The following GABRB1 variants were observed in gnomAD, a reference collection of about 807,000 sequenced individuals.
The protein encoded by GABRB1 is gamma-aminobutyric acid type A receptor subunit beta1.
GABRB1 carries 17 observed loss-of-function variants against 51.6 expected under a neutral mutation model. The ratio of observed to expected loss-of-function variants is 0.33; its 90% CI spans 0.23 to 0.49. The LOEUF is 0.49. Among genes scored for constraint, GABRB1 ranks in the 20% least tolerant of loss-of-function variants. The pLI, the probability that GABRB1 is intolerant of heterozygous loss-of-function variation, is 0.99. For synonymous variants in GABRB1, 247 were observed against 218.9 expected (o/e 1.13, Z -1.14); for missense variants, 410 against 600.6 (o/e 0.68, Z 3.32).
At chr4:47,195,397 TAGATA>T (rs780937607) in intron 4 of GABRB1, among the ~76,000 whole-genome samples, 13 of 129,906 alleles carry the variant, frequency 1.0e-4, no homozygotes, top group African/African-American at 2.7e-4. Context: ...AGATAGATGA[TAGATA>T]GATAGATAGA....
intron 3 of GABRB1, among the ~76,000 whole-genome samples, chr4:47,136,913 C>A (rs1716685588): frequency 5.9e-5 from 9 of 151,944 alleles, no homozygotes; most frequent in Admixed American, 5.9e-4. Flanking sequence ...TTATAGCAAA[C>A]AGTGTAGAAG....
intron 4 of GABRB1, among the ~76,000 whole-genome samples, chr4:47,239,260 TGA>T (rs1721436760): frequency 2.0e-5 from 3 of 152,202 alleles, no homozygotes; most frequent in African/African-American, 7.2e-5. Context: ...CCAACATCTG[TGA>T]GAGTCATTCA....
intron 3 of GABRB1, among the ~76,000 whole-genome samples, chr4:47,140,498 A>G (rs1716888763): frequency 6.6e-6 from 1 of 151,984 alleles, no homozygotes; most frequent in African/African-American, 2.4e-5. Context: ...TTTGTATCTG[A>G]AAAAAGGATA....
intron 3 of GABRB1, among the ~76,000 whole-genome samples, chr4:47,107,430 T>A (rs1345516847): frequency 6.6e-6 from 1 of 152,036 alleles, no homozygotes; most frequent in Non-Finnish European, 1.5e-5. Flanking sequence ...TGATTTTTTT[T>A]CAATATTGAT....
chr4:47,161,754 C>T (rs1471757542), intron 4 of GABRB1, among the ~76,000 whole-genome samples: 2 of 151,960 alleles, frequency 1.3e-5, no homozygotes, highest in African/African-American at 4.8e-5. Context: ...TTTGGTGTCA[C>T]CTTTAGTCAT....
chr4:47,393,674 T>C (rs1728084183), intron 5 of GABRB1, among the ~76,000 whole-genome samples: 1 of 152,250 alleles, frequency 6.6e-6, no homozygotes, highest in Non-Finnish European at 1.5e-5. Context: ...ATCCAACCTT[T>C]ATATTATTCC....
chr4:47,052,129 C>A (rs1302748749), intron 3 of GABRB1, among the ~76,000 whole-genome samples: 1 of 151,796 alleles, frequency 6.6e-6, no homozygotes, highest in Non-Finnish European at 1.5e-5. Context: ...GACCCTGTCT[C>A]AAAAAATAAA....
At chr4:47,028,295 C>T (rs999301101), upstream of GABRB1, among the ~76,000 whole-genome samples, 7 of 151,572 alleles carry the variant, frequency 4.6e-5, no homozygotes, top group South Asian at 4.2e-4. Flanking sequence ...GGTATCCATC[C>T]CCTTAAGCAC....
intron 4 of GABRB1, among the ~76,000 whole-genome samples, chr4:47,224,895 T>C (rs1317865605): frequency 6.6e-6 from 1 of 152,044 alleles, no homozygotes; most frequent in East Asian, 1.9e-4. Context: ...TTGCTGTTGT[T>C]TTTGTTTTTT....
intron 4 of GABRB1, among the ~76,000 whole-genome samples, chr4:47,254,489 C>T (rs564811239): frequency 7.2e-4 from 107 of 149,004 alleles, no homozygotes; most frequent in Non-Finnish European, 1.3e-3. Context: ...CCTCAGCCTC[C>T]GGAGTAGCTG....
intron 4 of GABRB1, among the ~76,000 whole-genome samples, chr4:47,310,452 T>A (rs1470318274): frequency 6.6e-6 from 1 of 152,246 alleles, no homozygotes; most frequent in Non-Finnish European, 1.5e-5. Flanking sequence ...CATAAATTAC[T>A]GATAACTAAA....
chr4:47,042,406 TGTGTACAG>T (rs1725888612), intron 3 of GABRB1, among the ~76,000 whole-genome samples: 1 of 39,272 alleles, frequency 2.5e-5, no homozygotes, highest in Non-Finnish European at 6.7e-5. Context: ...TGTATGTGTA[TGTGTACAG>T]TATATATATA....
At chr4:47,172,919 T>C (rs913165674) in intron 4 of GABRB1, among the ~76,000 whole-genome samples, 1 of 152,022 alleles carries the variant, frequency 6.6e-6, no homozygotes, top group Non-Finnish European at 1.5e-5. Context: ...AGGTTTATCT[T>C]TTCTAAATCT....
chr4:47,151,935 T>C (rs909168468), intron 3 of GABRB1, among the ~76,000 whole-genome samples: 3 of 152,020 alleles, frequency 2.0e-5, no homozygotes, highest in African/African-American at 7.2e-5. Context: ...GCTGGAACAA[T>C]CAATAAAATA....
chr4:47,250,898 T>G (rs1169597526), intron 4 of GABRB1, among the ~76,000 whole-genome samples: 1 of 152,240 alleles, frequency 6.6e-6, no homozygotes, highest in Non-Finnish European at 1.5e-5. Context: ...CACATTTCTC[T>G]GGTGCCTCCC....
intron 3 of GABRB1, among the ~76,000 whole-genome samples, chr4:47,095,802 G>A (rs138540857): frequency 6.6e-6 from 1 of 152,132 alleles, no homozygotes; most frequent in Middle Eastern, 3.2e-3. Context: ...TCAATCACTT[G>A]CATAATCCAT....
At position 47,410,950 on chromosome 4, in the gene GABRB1, C is replaced by A. The variant is rs141041578; in HGVS notation, c.1080+4024C>A. Among the ~76,000 whole-genome samples, 1,338 of 152,296 alleles carry A rather than the reference C, an allele frequency of 8.8e-3. 20 individuals are homozygous for A. Among genetic ancestry groups the A allele is most frequent in the African/African-American group, 0.03 (1,261 of 41,556 alleles). ...ACATAAAACCAAGTCTCCACATATTCTGGATGATATGTTAGTCATATAACT... is the reference window on the plus strand; with the variant it reads ...ACATAAAACCAAGTCTCCACATATTATGGATGATATGTTAGTCATATAACT... On this transcript the variant is annotated intron_variant, in intron 8 of 8. Transcript: ENST00000295454.
At chr4:47,121,018 G>T (rs1295769613) in intron 3 of GABRB1, among the ~76,000 whole-genome samples, 1 of 152,192 alleles carries the variant, frequency 6.6e-6, no homozygotes, top group African/African-American at 2.4e-5. Flanking sequence ...GCCCAGGACA[G>T]CACTAAGACT....
At chr4:47,141,929 T>G (rs185002567) in intron 3 of GABRB1, among the ~76,000 whole-genome samples, 4 of 152,002 alleles carry the variant, frequency 2.6e-5, no homozygotes. Flanking sequence ...ATGGCTGTTT[T>G]GTTTGCCTGG....
Sources: gnomAD v4.1 joint callset for allele counts (sites outside exome capture counted in the v4.1 genomes callset) on GRCh38, gnomAD v4.1.1 for gene constraint, MANE v1.5 for transcripts, NCBI Gene and HGNC (gene_info 2026-07-23, HGNC 2026-07-21) for gene names.